The following KIAA0930 variants were observed in gnomAD, a reference collection of about 807,000 sequenced individuals.
KIAA0930 encodes the protein uncharacterized protein KIAA0930.
Under a neutral mutation model 43.9 loss-of-function variants are expected in KIAA0930, and 24 were observed. That is an observed-to-expected ratio of 0.55 (90% CI 0.40 to 0.77). The LOEUF (loss-of-function observed/expected upper bound fraction) is 0.77, where lower values mean the gene tolerates loss of function less well. KIAA0930 is among the 30% of genes least tolerant of loss of function. KIAA0930 has a pLI of 0.00. For synonymous variants in KIAA0930, 259 were observed against 216.4 expected (o/e 1.20, Z -1.73); for missense variants, 461 against 574.2 (o/e 0.80, Z 2.02).
At chr22:45,209,822 T>TC (rs748247167) in intron 2 of KIAA0930, among the ~76,000 whole-genome samples, 3 of 152,126 alleles carry the variant, frequency 2.0e-5, no homozygotes, top group African/African-American at 4.8e-5. Context: ...TGCCACCTGC[T>TC]CCCGTGGGAC....
chr22:45,208,708 C>A (rs1423684956), intron 2 of KIAA0930, among the ~76,000 whole-genome samples: 1 of 152,230 alleles, frequency 6.6e-6, no homozygotes, highest in Non-Finnish European at 1.5e-5. Flanking sequence ...AAACTGTGTA[C>A]ACGTCTGTGT....
At chr22:45,204,608 C>G (rs927285828) in intron 5 of KIAA0930, among the ~76,000 whole-genome samples, 1 of 152,138 alleles carries the variant, frequency 6.6e-6, no homozygotes, top group Non-Finnish European at 1.5e-5. Flanking sequence ...TCCTCAGGGC[C>G]CTGAGCACCT....
chr22:45,215,888 C>T (rs938846270), intron 1 of KIAA0930, among the ~76,000 whole-genome samples: 2 of 152,040 alleles, frequency 1.3e-5, no homozygotes, highest in African/African-American at 2.4e-5. Context: ...AGAAAGGGAA[C>T]GGGGAGGCGG....
At chr22:45,209,319 CA>C (rs1244608896) in intron 2 of KIAA0930, among the ~76,000 whole-genome samples, 3 of 119,912 alleles carry the variant, frequency 2.5e-5, no homozygotes, top group African/African-American at 8.4e-5. Context: ...GGGCTTTTGC[CA>C]GGGGGGGTCT....
At chr22:45,237,802 G>A (rs1259720370) in intron 1 of KIAA0930, among the ~76,000 whole-genome samples, 1 of 152,184 alleles carries the variant, frequency 6.6e-6, no homozygotes, top group Non-Finnish European at 1.5e-5. Flanking sequence ...TCCGGGGCTG[G>A]TGTTCTGGCT....
At position 45,210,782 on chromosome 22, in the gene KIAA0930, T is replaced by G. The variant is rs531883782; in HGVS notation, c.216+1174A>C. ...CCTGCCCGAGTGTGGCTCTAGTCCC[T>G]GCACACCCTGCCTGCCCGAGTGTGG... is the stretch of plus-strand genomic sequence containing the variant. On this transcript the variant is annotated intron_variant, in intron 2 of 9. Coordinates refer to ENST00000336156, the MANE Select transcript of KIAA0930 (RefSeq NM_001009880.2). 2.0e-5 allele frequency among the ~76,000 whole-genome samples: 3 copies of G among 151,828 alleles called. No individual in the cohort carries two copies. In the South Asian group the frequency reaches 6.2e-4, roughly 32 times the overall value.
In KIAA0930 at chr22:45,195,636, C is replaced by T. The variant is rs1047319837; in HGVS notation, c.*1540G>A. On this transcript the variant is annotated 3_prime_UTR_variant, in exon 10 of 10. Transcript: ENST00000336156. ...AGAGAGAAAGTTCACATCCCCCCAC[C>T]AAGCACGGTCTCAGATTAGGTTATT... is the stretch of plus-strand genomic sequence containing the variant. The T allele has an allele frequency of 2.0e-5, 3 of 151,886 alleles. No homozygotes were observed. Among genetic ancestry groups the T allele is most frequent in the African/African-American group, 7.3e-5 (3 of 41,052 alleles). 9.4% of individuals were successfully genotyped at this position (151,886 alleles called of 1,614,324 possible). A position where few individuals can be genotyped will look rare whatever the true frequency, so the allele number is the denominator to read the frequency against.
Position 45,197,786 on chromosome 22 carries a change from T to C in KIAA0930, c.1174+4A>G. On this transcript the variant is annotated splice_donor_region_variant and intron_variant, in intron 9 of 9. Transcript: ENST00000336156. ...GGCTGCTTCCCCACATCCGCCAGCA[T>C]TACCTGTTAAAATCCGATGCAGCGG... The C allele has an allele frequency of 1.2e-6, 2 of 1,614,040 alleles. No individual in the cohort carries two copies. Among genetic ancestry groups the C allele is most frequent in the Non-Finnish European group, 1.7e-6 (2 of 1,179,916 alleles).
intron 1 of KIAA0930, among the ~76,000 whole-genome samples, chr22:45,223,363 A>C (rs767043489): frequency 3.9e-5 from 6 of 152,208 alleles, no homozygotes; most frequent in Non-Finnish European, 7.3e-5. Context: ...GAGCCTGCGG[A>C]AGAGAAGGGA....
chr22:45,226,344 G>C (rs2083800477), intron 1 of KIAA0930: 1 of 470,988 alleles, frequency 2.1e-6, no homozygotes, highest in East Asian at 6.9e-5. Flanking sequence ...TTCGTATCCA[G>C]TTCTGTGGGC....
chr22:45,219,078 T>C (rs2083751510), intron 1 of KIAA0930, among the ~76,000 whole-genome samples: 1 of 152,208 alleles, frequency 6.6e-6, no homozygotes. Context: ...TTCACGTGAA[T>C]CCAATCACAA....
chr22:45,201,389 A>G (rs542592263), intron 7 of KIAA0930, among the ~76,000 whole-genome samples: 1 of 151,972 alleles, frequency 6.6e-6, no homozygotes, highest in East Asian at 1.9e-4. Context: ...GGACTTTCAC[A>G]CCCCTCACAG....
At position 45,197,837 on chromosome 22, in the gene KIAA0930, T is replaced by G; in HGVS notation, c.1127A>C (p.Tyr376Ser). The G allele has an allele frequency of 6.2e-7, 1 of 1,614,184 alleles. No individual in the cohort carries two copies. Residue 376 changes from tyrosine to serine, a missense_variant, in exon 9 of 10, where the codon TAT (tyrosine) becomes TCT (serine). Physicochemically the swap from Tyr to Ser is moderately radical, Grantham distance 144. Coordinates refer to ENST00000336156, the MANE Select transcript of KIAA0930 (RefSeq NM_001009880.2). ...CAACGTGACGTAGGTTAAGTGTGCATAGAGAAGGAAGTTTCCATCTGCTCT... is the reference window on the plus strand; with the variant it reads ...CAACGTGACGTAGGTTAAGTGTGCAGAGAGAAGGAAGTTTCCATCTGCTCT... ...LNRADGNFLL[Y>S]AHLTYVTLPL... is the part of the protein sequence containing the mutation.
In KIAA0930 at chr22:45,197,049, G is replaced by T. The variant is rs1380857099; in HGVS notation, c.*127C>A. ...CGGCCCCGGCCCCGGGAGTCGAGTG[G>T]CCTCGCCTGGCTGCGGCTCCAGCAC... On this transcript the variant is annotated 3_prime_UTR_variant, in exon 10 of 10. Coordinates refer to ENST00000336156, the MANE Select transcript of KIAA0930 (RefSeq NM_001009880.2). 4 of 792,080 alleles carry T rather than the reference G, an allele frequency of 5.0e-6. No individual in the cohort carries two copies. The African/African-American group carries it at 7.3e-5, about 14-fold the overall frequency. The allele number at this position is 792,080 out of a possible 1,614,324, so 49.1% of individuals were successfully genotyped here.
Position 45,203,963 on chromosome 22 carries a change from C to T in KIAA0930, c.539G>A (p.Gly180Glu). The T allele has an allele frequency of 6.2e-7, 1 of 1,614,072 alleles. No homozygotes were observed. The highest frequency in any genetic ancestry group is 8.5e-7 in the Non-Finnish European group (1 of 1,179,952). The change falls in exon 6 of 10, where the codon GGG becomes GAG. Residue 180 changes from glycine to glutamate, a missense_variant. Coordinates refer to ENST00000336156, the MANE Select transcript of KIAA0930 (RefSeq NM_001009880.2). ...CTCCACACAGACCATCTCTCCTTCC[C>T]CTACGGTCATGTCGCTGAACACCTG... ...FEEVFSDMTV[G>E]EGEMVCVELV... is the part of the protein sequence containing the mutation.
intron 1 of KIAA0930, among the ~76,000 whole-genome samples, chr22:45,224,154 G>A (rs2083784467): frequency 6.6e-6 from 1 of 152,080 alleles, no homozygotes; most frequent in African/African-American, 2.4e-5. Flanking sequence ...TCATGGTAGA[G>A]GAAAAAAGCC....
chr22:45,212,831 G>A (rs1026154531), intron 1 of KIAA0930, among the ~76,000 whole-genome samples: 2 of 152,254 alleles, frequency 1.3e-5, no homozygotes, highest in African/African-American at 4.8e-5. Flanking sequence ...GGGACAATGG[G>A]CGGGGGCTCT....
At position 45,195,392 on chromosome 22, in the gene KIAA0930, G is replaced by A. The variant is rs1400830868; in HGVS notation, c.*1784C>T. 1 of 152,300 alleles carries A rather than the reference G, an allele frequency of 6.6e-6. No homozygotes were observed. The highest frequency in any genetic ancestry group is 1.5e-5 in the Non-Finnish European group (1 of 68,106). 9.4% of individuals were successfully genotyped at this position (152,300 alleles called of 1,614,324 possible). A position where few individuals can be genotyped will look rare whatever the true frequency, so the allele number is the denominator to read the frequency against. On this transcript the variant is annotated 3_prime_UTR_variant, in exon 10 of 10. Coordinates refer to ENST00000336156, the MANE Select transcript of KIAA0930 (RefSeq NM_001009880.2). The stretch of plus-strand genomic sequence containing the variant: ...CCAGGGGAAGAGTTCCTGAAGAAAT[G>A]GGTGTATTTTAGCCACATGGACTCA...
At chr22:45,220,398 T>C (rs145984578) in intron 1 of KIAA0930, among the ~76,000 whole-genome samples, 1,918 of 151,918 alleles carry the variant, frequency 0.013, 16 homozygotes, top group Non-Finnish European at 0.016. Context: ...GAGGTTGCAG[T>C]GATCGAGATC....
Sources: allele counts gnomAD v4.1 joint callset (sites outside exome capture counted in the v4.1 genomes callset), GRCh38; gene constraint gnomAD v4.1.1; transcripts MANE v1.5; gene names NCBI Gene and HGNC (gene_info 2026-07-23, HGNC 2026-07-21).